Variants in COL13A1 observed in about 807,000 individuals in gnomAD.
COL13A1 encodes collagen type XIII alpha 1 chain.
In COL13A1, 89 loss-of-function variants were observed where a neutral mutation model predicts 130.9. The ratio of observed to expected loss-of-function variants is 0.68; its 90% CI spans 0.57 to 0.81. The LOEUF is 0.81. COL13A1 is among the 30% of genes least tolerant of loss of function. The pLI, the probability that COL13A1 is intolerant of heterozygous loss-of-function variation, is 0.00. For synonymous variants in COL13A1, 402 were observed against 341.6 expected (o/e 1.18, Z -1.95); for missense variants, 879 against 934.6 (o/e 0.94, Z 0.78).
chr10:69,893,354 T>G (rs1193591890), intron 10 of COL13A1, among the ~76,000 whole-genome samples: 2 of 152,176 alleles, frequency 1.3e-5, no homozygotes, highest in Non-Finnish European at 2.9e-5. Flanking sequence ...CCTGTCTCAA[T>G]AAAACAATAA....
intron 2 of COL13A1, among the ~76,000 whole-genome samples, chr10:69,832,690 C>T (rs1564792236): frequency 6.6e-6 from 1 of 152,150 alleles, no homozygotes; most frequent in Non-Finnish European, 1.5e-5. Flanking sequence ...TTGGAGGAGA[C>T]ACTGGAACTT....
chr10:69,929,946 A>AC (rs2065886555), intron 28 of COL13A1, 97 bp from the exon 29 acceptor site: 11 of 1,002,942 alleles, frequency 1.1e-5, no homozygotes, highest in Non-Finnish European at 1.7e-5. Flanking sequence ...CTCTATGGGA[A>AC]AGTGTGGAGT....
intron 2 of COL13A1, among the ~76,000 whole-genome samples, chr10:69,831,391 T>G (rs1432769634): frequency 6.6e-6 from 1 of 152,190 alleles, no homozygotes; most frequent in South Asian, 2.1e-4. Context: ...TGTCACTTCC[T>G]CTGAGATGTC....
chr10:69,880,690 G>A, intron 7 of COL13A1, 137 bp downstream of exon 7: 1 of 835,136 alleles, frequency 1.2e-6, no homozygotes. Context: ...GATGTGGTCA[G>A]CCCAGCCAGG....
intron 4 of COL13A1, among the ~76,000 whole-genome samples, chr10:69,872,579 C>T (rs1281667100): frequency 1.3e-5 from 2 of 152,230 alleles, no homozygotes; most frequent in Non-Finnish European, 2.9e-5. Context: ...TACCAGCTGA[C>T]ATTCAAACCA....
At chr10:69,841,179 T>C (rs1851512610) in intron 2 of COL13A1, among the ~76,000 whole-genome samples, 1 of 148,900 alleles carries the variant, frequency 6.7e-6, no homozygotes, top group African/African-American at 2.5e-5. Flanking sequence ...AGGAACCCCC[T>C]CATCTCCACC....
intron 38 of COL13A1, among the ~76,000 whole-genome samples, chr10:69,951,558 T>C (rs1479285292): frequency 6.6e-6 from 1 of 152,030 alleles, no homozygotes; most frequent in Non-Finnish European, 1.5e-5. Context: ...AAAAATGAGG[T>C]CTTGCTTTAT....
intron 2 of COL13A1, among the ~76,000 whole-genome samples, chr10:69,828,302 C>A (rs925202909): frequency 1.3e-5 from 2 of 152,064 alleles, no homozygotes; most frequent in African/African-American, 4.8e-5. Flanking sequence ...CCTGACTTTG[C>A]AGCCCCACCG....
At chr10:69,803,837 C>A (rs1186591432) in intron 1 of COL13A1, among the ~76,000 whole-genome samples, 1 of 152,176 alleles carries the variant, frequency 6.6e-6, no homozygotes, top group Non-Finnish European at 1.5e-5. Flanking sequence ...GTAGCAAACA[C>A]TGGAGCACAG....
intron 30 of COL13A1, chr10:69,931,403 G>A: frequency 2.9e-6 from 1 of 340,270 alleles, no homozygotes; most frequent in Non-Finnish European, 5.9e-6. Context: ...GAGCAGGCAG[G>A]GAGGGTCCTC....
chr10:69,867,995 T>A (rs1185356605), intron 3 of COL13A1, among the ~76,000 whole-genome samples, 190 bp downstream of exon 3: 1 of 152,116 alleles, frequency 6.6e-6, no homozygotes, highest in Non-Finnish European at 1.5e-5. Context: ...CACCCACTTC[T>A]GCACCCCTCC....
chr10:69,878,866 C>T (rs2059869845), intron 6 of COL13A1, among the ~76,000 whole-genome samples: 2 of 152,266 alleles, frequency 1.3e-5, no homozygotes, highest in Admixed American at 6.5e-5. Flanking sequence ...CCCAAGATGG[C>T]ACAGCAATAG....
chr10:69,816,899 A>G (rs75790917), intron 1 of COL13A1, among the ~76,000 whole-genome samples: 255 of 152,344 alleles, frequency 1.7e-3, no homozygotes, highest in African/African-American at 6.0e-3. Context: ...ATTGTCATCC[A>G]GGAGTTTTTC....
chr10:69,908,590 G>A (rs1469871728), intron 17 of COL13A1, among the ~76,000 whole-genome samples: 1 of 152,214 alleles, frequency 6.6e-6, no homozygotes, highest in Admixed American at 6.5e-5. Flanking sequence ...TCCAGAAGGG[G>A]CATGGGGTCT....
chr10:69,922,034 T>G, intron 22 of COL13A1, 99 bp downstream of exon 22: 1 of 1,398,222 alleles, frequency 7.2e-7, no homozygotes, highest in Non-Finnish European at 9.6e-7. Flanking sequence ...GACGTGTCTG[T>G]CTCCCAGACT....
At position 69,941,037 on chromosome 10, in the gene COL13A1, C is replaced by A. The variant is rs768232409; in HGVS notation, c.1914+14C>A. On this transcript the variant is annotated intron_variant, in intron 35 of 40. Coordinates refer to ENST00000645393, the MANE Select transcript of COL13A1 (RefSeq NM_001368882.1). ...CCTGGGCCACCGGTGAGTGTCACTTCTCCATCACCCCTCACCCCACTCCAC... is the reference window on the plus strand; with the variant it reads ...CCTGGGCCACCGGTGAGTGTCACTTATCCATCACCCCTCACCCCACTCCAC... The A allele has an allele frequency of 1.2e-6, 2 of 1,613,864 alleles. No individual in the cohort carries two copies. The highest frequency in any genetic ancestry group is 1.7e-6 in the Non-Finnish European group (2 of 1,179,838).
rs746588678 is a variant in COL13A1, at chr10:69,958,732, T to G, written c.*31T>G. On this transcript the variant is annotated 3_prime_UTR_variant, in exon 41 of 41. Coordinates refer to ENST00000645393, the MANE Select transcript of COL13A1 (RefSeq NM_001368882.1). Reference sequence around the variant, plus strand: ...CTAACCTTGGATTGGCCTGTGTGTGTGTTTGTACATAGAATATTTATTTTT... The same window carrying G: ...CTAACCTTGGATTGGCCTGTGTGTGGGTTTGTACATAGAATATTTATTTTT... The G allele has an allele frequency of 3.1e-6, 5 of 1,613,478 alleles. No homozygotes were observed. In the Admixed American group the frequency reaches 8.3e-5, roughly 27 times the overall value.
At chr10:69,865,964 G>A (rs2133938055) in intron 2 of COL13A1, among the ~76,000 whole-genome samples, 1 of 152,336 alleles carries the variant, frequency 6.6e-6, no homozygotes, top group East Asian at 1.9e-4. Context: ...CATCCGCAAG[G>A]CGGGAATGAT....
chr10:69,940,860 T>C, intron 34 of COL13A1, 128 bp from the exon 35 acceptor site: 2 of 1,292,336 alleles, frequency 1.5e-6, no homozygotes, highest in Non-Finnish European at 1.1e-6. Context: ...CCAGTTGTGT[T>C]TGATTACCAG....
Sources: allele counts gnomAD v4.1 joint callset (sites outside exome capture counted in the v4.1 genomes callset), GRCh38; gene constraint gnomAD v4.1.1; transcripts MANE v1.5; gene names NCBI Gene and HGNC (gene_info 2026-07-23, HGNC 2026-07-21).